Variants in PCDHGA6 observed in about 807,000 individuals in gnomAD.
PCDHGA6 encodes protocadherin gamma-A6.
Under a neutral mutation model 60.6 loss-of-function variants are expected in PCDHGA6, and 41 were observed. That is an observed-to-expected ratio of 0.68 (90% CI 0.53 to 0.88). The LOEUF (loss-of-function observed/expected upper bound fraction) is 0.88, where lower values mean the gene tolerates loss of function less well. Among genes scored for constraint, PCDHGA6 ranks in the 40% least tolerant of loss-of-function variants. The probability of loss-of-function intolerance (pLI) is 0.00; values close to 1 mark genes in which losing one functional copy is unlikely to be tolerated. For missense variants in PCDHGA6, 1,312 were observed against 1,203.0 expected, an observed-to-expected ratio of 1.09 and a Z score of -1.34; for synonymous variants, 594 against 524.4, an observed-to-expected ratio of 1.13 and a Z score of -1.81.
chr5:141,390,373 A>T, intron 1 of PCDHGA6: 1 of 1,481,208 alleles, frequency 6.8e-7, no homozygotes, highest in Non-Finnish European at 9.2e-7. Flanking sequence ...AAAATATATA[A>T]TTTTTAGATG....
chr5:141,418,751 A>G (rs2096284782), intron 1 of PCDHGA6: 2 of 1,613,840 alleles, frequency 1.2e-6, no homozygotes, highest in African/African-American at 2.7e-5. Context: ...GGATTACACT[A>G]CAGGAAACAT....
At chr5:141,430,584 G>A (rs1451886397) in intron 1 of PCDHGA6, 3 of 495,136 alleles carry the variant, frequency 6.1e-6, no homozygotes, top group African/African-American at 5.9e-5. Flanking sequence ...GATCCTGCTC[G>A]CCTTGCACGC....
Position 141,476,208 on chromosome 5 carries a change from C to T in PCDHGA6, c.2425-18599C>T, listed in dbSNP as rs1266601125. The T allele has an allele frequency of 6.2e-7, 1 of 1,613,794 alleles. No homozygotes were observed. ...CTTGGTGCCTTGAACAAGGCTTCCA[C>T]GGTCATTCACTATGAGATCCCGGAG... On this transcript the variant is annotated intron_variant, in intron 1 of 3. Coordinates refer to ENST00000517434, the MANE Select transcript of PCDHGA6 (RefSeq NM_018919.3). The surrounding 1 kb of genome is among the most constrained non-coding windows in gnomAD (Gnocchi z 7.6).
At position 141,476,326 on chromosome 5, in the gene PCDHGA6, T is replaced by A. The variant is rs752845438; in HGVS notation, c.2425-18481T>A. Reference sequence around the variant, plus strand: ...CAGCCCGCAGGTTCCGGGTGGTGTCTGGAGCTAGCCGAAGATTCTTTGAGG... The same window carrying A: ...CAGCCCGCAGGTTCCGGGTGGTGTCAGGAGCTAGCCGAAGATTCTTTGAGG... On this transcript the variant is annotated intron_variant, in intron 1 of 3. Coordinates refer to ENST00000517434, the MANE Select transcript of PCDHGA6 (RefSeq NM_018919.3). This position sits in a 1 kb window ranked among gnomAD's most constrained non-coding sequence, Gnocchi z 7.6. The A allele has an allele frequency of 6.2e-7, 1 of 1,614,120 alleles. No individual in the cohort carries two copies. Among genetic ancestry groups the A allele is most frequent in the Non-Finnish European group, 8.5e-7 (1 of 1,180,034 alleles).
chr5:141,462,408 A>G (rs1240372917), intron 1 of PCDHGA6, among the ~76,000 whole-genome samples: 2 of 152,188 alleles, frequency 1.3e-5, no homozygotes, highest in Non-Finnish European at 2.9e-5. Context: ...ATGGCACAGA[A>G]TATGGTCTAT....
At chr5:141,393,167 G>A (rs889451396) in intron 1 of PCDHGA6, 9 of 1,613,166 alleles carry the variant, frequency 5.6e-6, no homozygotes, top group Non-Finnish European at 7.6e-6. Flanking sequence ...AACTCTTTGG[G>A]GTAGAAATAG....
Position 141,375,920 on chromosome 5 carries a change from G to C in PCDHGA6, c.1837G>C (p.Glu613Gln). Residue 613 changes from glutamate to glutamine, a missense_variant, in exon 1 of 4, where the codon GAG becomes CAG. Transcript: ENST00000517434. ...GTCCTACCGCCTGCTCAAGGCCAGCGAGCCAGGACTTTTCTCAGTGGGCCT... is the reference window on the plus strand; with the variant it reads ...GTCCTACCGCCTGCTCAAGGCCAGCCAGCCAGGACTTTTCTCAGTGGGCCT... ...WLSYRLLKAS[E>Q]PGLFSVGLHT... is the part of the protein sequence containing the mutation. 1 of 1,613,748 alleles carries C rather than the reference G, an allele frequency of 6.2e-7. No individual in the cohort carries two copies. The highest frequency in any genetic ancestry group is 8.5e-7 in the Non-Finnish European group (1 of 1,179,998).
intron 1 of PCDHGA6, chr5:141,403,058 C>T (rs1264463559): frequency 1.9e-6 from 3 of 1,613,942 alleles, no homozygotes; most frequent in African/African-American, 2.7e-5. Context: ...CTACTCAGTG[C>T]CTGAAGAGAC....
chr5:141,408,851 G>T, intron 1 of PCDHGA6: 4 of 1,613,574 alleles, frequency 2.5e-6, no homozygotes, highest in African/African-American at 1.3e-5. Context: ...TGCCTTGGAC[G>T]GAGGGGACCC....
At position 141,375,914 on chromosome 5, in the gene PCDHGA6, G is replaced by A; in HGVS notation, c.1831G>A (p.Ala611Thr). 6.2e-7 allele frequency: 1 copy of A among 1,613,738 alleles called. No individual in the cohort carries two copies. Among genetic ancestry groups the A allele is most frequent in the Non-Finnish European group, 8.5e-7 (1 of 1,179,998 alleles). Residue 611 changes from alanine (A) to threonine (T), a missense_variant, in exon 1 of 4, where the codon GCC becomes ACC. Transcript: ENST00000517434. ...CTGGCTGTCCTACCGCCTGCTCAAG[G>A]CCAGCGAGCCAGGACTTTTCTCAGT... ...NAWLSYRLLK[A>T]SEPGLFSVGL...
chr5:141,450,937 A>G (rs1011608521), intron 1 of PCDHGA6, among the ~76,000 whole-genome samples: 1 of 148,134 alleles, frequency 6.8e-6, no homozygotes, highest in African/African-American at 2.5e-5. Flanking sequence ...CAATTCTCCT[A>G]CCTCAGCCTC....
At chr5:141,385,003 T>C (rs1480894446) in intron 1 of PCDHGA6, 1 of 1,614,148 alleles carries the variant, frequency 6.2e-7, no homozygotes, top group South Asian at 1.1e-5. Context: ...CACAGTCTCC[T>C]GCGTCTTCCT....
At chr5:141,401,016 A>G (rs910501602) in intron 1 of PCDHGA6, among the ~76,000 whole-genome samples, 2 of 152,182 alleles carry the variant, frequency 1.3e-5, no homozygotes, top group Admixed American at 6.5e-5. Context: ...TAATGGATTT[A>G]TGATTTTTTG....
At chr5:141,385,118 T>C in intron 1 of PCDHGA6, 1 of 1,614,216 alleles carries the variant, frequency 6.2e-7, no homozygotes. Context: ...ACCTCGCACT[T>C]TGTGGGCATG....
intron 1 of PCDHGA6, chr5:141,399,850 C>G (rs768366007): frequency 1.2e-6 from 2 of 1,612,828 alleles, no homozygotes; most frequent in Non-Finnish European, 1.7e-6. Context: ...CGATATGGTG[C>G]CGCGCGCTGC....
chr5:141,394,466 C>G lies in PCDHGA6; in HGVS notation c.2424+17959C>G, dbSNP rs765078363. 3.7e-6 allele frequency: 6 copies of G among 1,614,222 alleles called. 1 individual carries two copies. Among genetic ancestry groups the G allele is most frequent in the East Asian group, 4.5e-5 (2 of 44,878 alleles). On this transcript the variant is annotated intron_variant, in intron 1 of 3. Transcript: ENST00000517434. The stretch of plus-strand genomic sequence containing the variant: ...GCAGCAACATGTCACTGAGCCTGTT[C>G]GTGCTGGACCAGAATGACAACGCGC...
At position 141,375,614 on chromosome 5, in the gene PCDHGA6, A is replaced by C. The variant is rs904386299; in HGVS notation, c.1531A>C (p.Thr511Pro). The C allele has an allele frequency of 1.9e-6, 3 of 1,614,060 alleles. No individual in the cohort carries two copies. The highest frequency in any genetic ancestry group is 1.7e-5 in the Admixed American group (1 of 60,008). Reference sequence around the variant, plus strand: ...CTCCTACGTGTCCATCAACTCCGACACTGGGATTCTGTACGCCCTGCGCTC... The same window carrying C: ...CTCCTACGTGTCCATCAACTCCGACCCTGGGATTCTGTACGCCCTGCGCTC... ...LSSYVSINSD[T>P]GILYALRSFD... The change falls in exon 1 of 4, where the codon ACT becomes CCT. Residue 511 changes from threonine (T) to proline (P), a missense_variant. By Grantham distance (38) the Thr-to-Pro change is conservative (BLOSUM62 -1). Transcript: ENST00000517434.
intron 1 of PCDHGA6, among the ~76,000 whole-genome samples, chr5:141,482,188 G>C (rs1178289472): frequency 2.6e-5 from 4 of 152,122 alleles, no homozygotes; most frequent in African/African-American, 9.7e-5. Context: ...CGATGCTCCA[G>C]TTCTAGTAAA....
chr5:141,390,043 C>T, intron 1 of PCDHGA6: 2 of 1,614,064 alleles, frequency 1.2e-6, no homozygotes, highest in Non-Finnish European at 8.5e-7. Flanking sequence ...TCCAGCCCCG[C>T]CTCCTGGAGC....
Sources: allele counts gnomAD v4.1 joint callset (sites outside exome capture counted in the v4.1 genomes callset), GRCh38; gene constraint gnomAD v4.1.1; non-coding constraint Gnocchi (gnomAD v3.1); transcripts MANE v1.5; gene names NCBI Gene and HGNC (gene_info 2026-07-23, HGNC 2026-07-21).